KIRREL3: variants seen among roughly 807,000 people sequenced by gnomAD.
KIRREL3 encodes kin of IRRE-like protein 3.
Under a neutral mutation model 89.7 loss-of-function variants are expected in KIRREL3, and 36 were observed. The observed-to-expected ratio is 0.40, with a 90% CI of 0.31 to 0.53. The LOEUF is 0.53. KIRREL3 is among the 20% of genes least tolerant of loss of function. KIRREL3 has a pLI of 0.49. For synonymous variants in KIRREL3, 445 were observed against 441.4 expected, an observed-to-expected ratio of 1.01 and a Z score of -0.10; for missense variants, 864 against 1,056.6, an observed-to-expected ratio of 0.82 and a Z score of 2.53.
In KIRREL3 at chr11:126,996,030, A is replaced by T. The variant is rs1401934030; in HGVS notation, c.55+4425T>A. ...AATGTGAAGGCCTTGACCCCACCCC[A>T]CTCGTCCTCCCCCTAGGGACTTTCT... On this transcript the variant is annotated intron_variant, in intron 1 of 16. Coordinates refer to ENST00000525144, the MANE Select transcript of KIRREL3 (RefSeq NM_032531.4). This position sits in a 1 kb window ranked among gnomAD's most constrained non-coding sequence, Gnocchi z 4.7. 2.6e-5 allele frequency among the ~76,000 whole-genome samples: 4 copies of T among 151,150 alleles called. No homozygotes were observed. The highest frequency in any genetic ancestry group is 9.8e-5 in the African/African-American group (4 of 41,022).
At chr11:126,849,917 T>C (rs1027133832) in intron 1 of KIRREL3, among the ~76,000 whole-genome samples, 2 of 99,362 alleles carry the variant, frequency 2.0e-5, no homozygotes, top group African/African-American at 8.4e-5. Flanking sequence ...AGAACTTTAC[T>C]TAATAAATCA....
chr11:126,851,634 C>T (rs544891430), intron 1 of KIRREL3, among the ~76,000 whole-genome samples: 1 of 152,260 alleles, frequency 6.6e-6, no homozygotes, highest in East Asian at 1.9e-4. Flanking sequence ...CCACCAAGAC[C>T]AAGGTGTCTT....
Position 126,917,952 on chromosome 11 carries a change from G to A in KIRREL3, c.55+82503C>T, listed in dbSNP as rs1035048350. The stretch of plus-strand genomic sequence containing the variant: ...TGATGACACATCTTACAGTGATGGA[G>A]CAGAATTTAGATGCTGTGACTCATC... On this transcript the variant is annotated intron_variant, in intron 1 of 16. Transcript: ENST00000525144. This position sits in a 1 kb window ranked among gnomAD's most constrained non-coding sequence, Gnocchi z 5.0. 1.3e-5 allele frequency among the ~76,000 whole-genome samples: 2 copies of A among 152,158 alleles called. No homozygotes were observed. The highest frequency in any genetic ancestry group is 2.9e-5 in the Non-Finnish European group (2 of 68,026).
chr11:126,580,034 A>T (rs563917646), intron 1 of KIRREL3, among the ~76,000 whole-genome samples: 11 of 151,942 alleles, frequency 7.2e-5, no homozygotes, highest in Admixed American at 2.6e-4. Flanking sequence ...TTTAGTAGAG[A>T]CGGGGTTTCA....
rs914849644 is a variant in KIRREL3, at chr11:126,705,850, A to G, written c.56-142938T>C. Among the ~76,000 whole-genome samples, 10 of 152,194 alleles carry G rather than the reference A, an allele frequency of 6.6e-5. No individual in the cohort carries two copies. Among genetic ancestry groups the G allele is most frequent in the Admixed American group, 2.6e-4 (4 of 15,274 alleles). ...TGACCACTAAAATGTTGAGAAAGTG[A>G]TGCTGCGTAACTTCTGGGAAAAACT... On this transcript the variant is annotated intron_variant, in intron 1 of 16. Transcript: ENST00000525144. This position sits in a 1 kb window ranked among gnomAD's most constrained non-coding sequence, Gnocchi z 4.3.
At chr11:126,800,469 G>C (rs1950996343) in intron 1 of KIRREL3, among the ~76,000 whole-genome samples, 1 of 152,110 alleles carries the variant, frequency 6.6e-6, no homozygotes, top group Non-Finnish European at 1.5e-5. Context: ...TGGTACAGAA[G>C]GCAGGTAGGG....
chr11:126,450,958 AGCGT>A (rs1956075059), intron 7 of KIRREL3, among the ~76,000 whole-genome samples: 1 of 102,238 alleles, frequency 9.8e-6, no homozygotes, highest in Admixed American at 9.8e-5. Context: ...TGCATGTGTG[AGCGT>A]GTGCATGCAT....
rs10648961 is a variant in KIRREL3 at position 126,576,364 on chromosome 11, CTCAT to C, written c.56-13456_56-13453del. ...TTTATTCTAATTTCATTCATTCATTCTCATTCATTCATTCATTCATTCAAGGAGA... is the reference window on the plus strand; with the variant it reads ...TTTATTCTAATTTCATTCATTCATTCTCATTCATTCATTCATTCAAGGAGA... On this transcript the variant is annotated intron_variant, in intron 1 of 16. Transcript: ENST00000525144. This position sits in a 1 kb window ranked among gnomAD's most constrained non-coding sequence, Gnocchi z 5.4. Among the ~76,000 whole-genome samples the C allele has an allele frequency of 2.1e-4, 32 of 152,156 alleles. No individual in the cohort carries two copies. Among genetic ancestry groups the C allele is most frequent in the African/African-American group, 3.9e-4 (16 of 41,470 alleles).
chr11:126,895,838 A>T (rs563710297), intron 1 of KIRREL3, among the ~76,000 whole-genome samples: 1 of 152,194 alleles, frequency 6.6e-6, no homozygotes, highest in Non-Finnish European at 1.5e-5. Context: ...CCCAGTGACC[A>T]CATGACCCAG....
At position 126,989,623 on chromosome 11, in the gene KIRREL3, C is replaced by T. The variant is rs1949966105; in HGVS notation, c.55+10832G>A. 6.6e-6 allele frequency among the ~76,000 whole-genome samples: 1 copy of T among 152,166 alleles called. No individual in the cohort carries two copies. Among genetic ancestry groups the T allele is most frequent in the Non-Finnish European group, 1.5e-5 (1 of 68,042 alleles). ...CGCTGCCTGTGGATCAACTCGGGAT[C>T]TCAGACACATCTCGTCACAATTATC... On this transcript the variant is annotated intron_variant, in intron 1 of 16. Coordinates refer to ENST00000525144, the MANE Select transcript of KIRREL3 (RefSeq NM_032531.4). The surrounding 1 kb of genome is among the most constrained non-coding windows in gnomAD (Gnocchi z 6.2).
chr11:126,719,674 G>A lies in KIRREL3; in HGVS notation c.56-156762C>T, dbSNP rs1948097250. Among the ~76,000 whole-genome samples the A allele has an allele frequency of 6.6e-6, 1 of 151,962 alleles. No individual in the cohort carries two copies. Among genetic ancestry groups the A allele is most frequent in the Non-Finnish European group, 1.5e-5 (1 of 68,006 alleles). On this transcript the variant is annotated intron_variant, in intron 1 of 16. Transcript: ENST00000525144. The surrounding 1 kb of genome is among the most constrained non-coding windows in gnomAD (Gnocchi z 4.7). ...AATGGCAACTTATCCTTCCTTTTGC[G>A]ACTTCTAAGGCCACAACCTTAGAAG... is the stretch of plus-strand genomic sequence containing the variant.
intron 1 of KIRREL3, among the ~76,000 whole-genome samples, chr11:126,847,966 C>T (rs1944205370): frequency 6.6e-6 from 1 of 152,164 alleles, no homozygotes; most frequent in Admixed American, 6.5e-5. Context: ...AAATGGTGTG[C>T]TTTCTTTAAG....
chr11:126,626,585 T>C (rs1393261428), intron 1 of KIRREL3, among the ~76,000 whole-genome samples: 2 of 152,198 alleles, frequency 1.3e-5, no homozygotes, highest in Non-Finnish European at 2.9e-5. Flanking sequence ...GTAAGGGGGC[T>C]TGCAGCGGTG....
At chr11:126,679,405 C>T (rs968703226) in intron 1 of KIRREL3, among the ~76,000 whole-genome samples, 6 of 152,116 alleles carry the variant, frequency 3.9e-5, no homozygotes, top group Non-Finnish European at 1.5e-5. Context: ...ATATGCGTGT[C>T]CTTTGCTAAG....
intron 1 of KIRREL3, among the ~76,000 whole-genome samples, chr11:126,804,258 A>T (rs1462392771): frequency 6.6e-6 from 1 of 152,228 alleles, no homozygotes; most frequent in African/African-American, 2.4e-5. Context: ...GTGATTTCTC[A>T]ACTTGCTGTC....
At chr11:126,460,012 G>T (rs1376506754) in intron 6 of KIRREL3, among the ~76,000 whole-genome samples, 1 of 151,994 alleles carries the variant, frequency 6.6e-6, no homozygotes, top group African/African-American at 2.4e-5. Flanking sequence ...AAATGAGCAG[G>T]TTCACAAAGG....
chr11:126,861,474 G>T (rs1491003902), intron 1 of KIRREL3, among the ~76,000 whole-genome samples: 1 of 152,114 alleles, frequency 6.6e-6, no homozygotes, highest in Non-Finnish European at 1.5e-5. Flanking sequence ...CCTTGACAGT[G>T]CCTTCCGTTG....
intron 1 of KIRREL3, among the ~76,000 whole-genome samples, chr11:126,865,315 T>C (rs1273337419): frequency 6.6e-6 from 1 of 152,256 alleles, no homozygotes; most frequent in Admixed American, 6.5e-5. Context: ...AGGCTCTCAG[T>C]CTATTTGTAG....
In KIRREL3 at chr11:126,492,939, T is replaced by C. The variant is rs1432405604; in HGVS notation, c.434-19473A>G. Reference sequence around the variant, plus strand: ...AATTAAGTTAGACATGCCGCAGAACTTCCTGGCCGTGGGCTGAGTGACCCA... The same window carrying C: ...AATTAAGTTAGACATGCCGCAGAACCTCCTGGCCGTGGGCTGAGTGACCCA... On this transcript the variant is annotated intron_variant, in intron 4 of 16. Coordinates refer to ENST00000525144, the MANE Select transcript of KIRREL3 (RefSeq NM_032531.4). This position sits in a 1 kb window ranked among gnomAD's most constrained non-coding sequence, Gnocchi z 4.8. Among the ~76,000 whole-genome samples the C allele has an allele frequency of 6.6e-6, 1 of 152,184 alleles. No homozygotes were observed. The highest frequency in any genetic ancestry group is 1.5e-5 in the Non-Finnish European group (1 of 68,032).
Sources: allele counts gnomAD v4.1 joint callset (sites outside exome capture counted in the v4.1 genomes callset), GRCh38; gene constraint gnomAD v4.1.1; non-coding constraint Gnocchi (gnomAD v3.1); transcripts MANE v1.5; gene names NCBI Gene and HGNC (gene_info 2026-07-23, HGNC 2026-07-21).